The following FKBP1B variants were observed in gnomAD, a reference collection of about 807,000 sequenced individuals.
FKBP1B encodes the protein FKBP prolyl isomerase 1B.
Under a neutral mutation model 13.5 loss-of-function variants are expected in FKBP1B, and 4 were observed. That is an observed-to-expected ratio of 0.30 (90% CI 0.15 to 0.68). The LOEUF (loss-of-function observed/expected upper bound fraction) is 0.68, where lower values mean the gene tolerates loss of function less well. Among genes scored for constraint, FKBP1B ranks in the 30% least tolerant of loss-of-function variants. FKBP1B has a pLI of 0.76. For synonymous variants in FKBP1B, 54 were observed against 53.6 expected (o/e 1.01, Z -0.03); for missense variants, 93 against 136.2 (o/e 0.68, Z 1.58).
At chr2:24,040,636 A>T in the FKBP1B span, among the ~76,000 whole-genome samples, 2 of 152,244 alleles carry the variant, frequency 1.3e-5, no homozygotes, top group Non-Finnish European at 2.9e-5. Flanking sequence ...ATAATCTTTT[A>T]AAATAATGTA....
the FKBP1B span, among the ~76,000 whole-genome samples, chr2:24,040,507 C>G: frequency 6.6e-6 from 1 of 152,198 alleles, no homozygotes; most frequent in Non-Finnish European, 1.5e-5. Context: ...GCTTTTATCC[C>G]TCTATTGAAA....
upstream of FKBP1B, among the ~76,000 whole-genome samples, chr2:24,049,356 A>G (rs191737828): frequency 6.6e-6 from 1 of 152,158 alleles, no homozygotes; most frequent in Non-Finnish European, 1.5e-5. Flanking sequence ...GCGACAGAGC[A>G]AGATCCTCTG....
chr2:24,049,985 G>C, intron 1 of FKBP1B, 99 bp downstream of exon 1: 2 of 998,034 alleles, frequency 2.0e-6, no homozygotes, highest in Non-Finnish European at 2.7e-6. Context: ...GGTGCTGAAG[G>C]GTCGGGGGGC....
the FKBP1B span, chr2:24,039,404 C>T: frequency 2.5e-6 from 4 of 1,614,276 alleles, no homozygotes; most frequent in Admixed American, 1.7e-5. Flanking sequence ...ACTTGATTCC[C>T]ATCGGTCCAG....
At chr2:24,060,956 C>A (rs1437058605) in intron 3 of FKBP1B, 30 bp downstream of exon 3, 1 of 1,545,310 alleles carries the variant, frequency 6.5e-7, no homozygotes, top group Non-Finnish European at 8.9e-7. Context: ...TAAAGGGGAT[C>A]TGGGGAGTTG....
At chr2:24,052,137 A>ATGTC (rs1415469701) in intron 1 of FKBP1B, among the ~76,000 whole-genome samples, 3 of 152,014 alleles carry the variant, frequency 2.0e-5, no homozygotes, top group Non-Finnish European at 4.4e-5. Context: ...CTTCGAAAAT[A>ATGTC]TGTCTCCAAT....
At chr2:24,051,134 G>T (rs1183340635) in intron 1 of FKBP1B, among the ~76,000 whole-genome samples, 1 of 152,126 alleles carries the variant, frequency 6.6e-6, no homozygotes, top group Non-Finnish European at 1.5e-5. Context: ...AGGAGTTCGA[G>T]ACCAGCCTGA....
upstream of FKBP1B, among the ~76,000 whole-genome samples, chr2:24,045,526 G>A (rs950583041): frequency 1.3e-5 from 2 of 151,294 alleles, no homozygotes; most frequent in African/African-American, 2.4e-5. Context: ...GCTTGAACCC[G>A]GCTGGCGGAG....
chr2:24,056,888 G>A (rs911163734), intron 2 of FKBP1B, among the ~76,000 whole-genome samples: 3 of 150,932 alleles, frequency 2.0e-5, no homozygotes. Flanking sequence ...ACAGGGTTTC[G>A]CCATGTTGGC....
chr2:24,036,650 T>C, the FKBP1B span, among the ~76,000 whole-genome samples: 7 of 152,200 alleles, frequency 4.6e-5, no homozygotes, highest in African/African-American at 1.7e-4. Context: ...TGCAGCATCA[T>C]TTGGAGTAGC....
intron 3 of FKBP1B, among the ~76,000 whole-genome samples, chr2:24,062,018 C>T (rs915912517): frequency 4.7e-5 from 7 of 149,472 alleles, no homozygotes; most frequent in East Asian, 1.9e-4. Context: ...TACAGGCGCC[C>T]GCCACCACGG....
rs1476343208 is a variant in FKBP1B at position 24,050,435 on chromosome 2, C to T, written c.37+549C>T. 6.6e-6 allele frequency among the ~76,000 whole-genome samples: 1 copy of T among 152,158 alleles called. No individual in the cohort carries two copies. Among genetic ancestry groups the T allele is most frequent in the African/African-American group, 2.4e-5 (1 of 41,444 alleles). ...GCCCGCTTCCGGATCTCGCTTTATC[C>T]TGCCGCCGCTTTCAGACTCCCTGGC... On this transcript the variant is annotated intron_variant, in intron 1 of 3. Coordinates refer to ENST00000380986, the MANE Select transcript of FKBP1B (RefSeq NM_004116.5). This position sits in a 1 kb window ranked among gnomAD's most constrained non-coding sequence, Gnocchi z 5.8.
At chr2:24,062,021 C>T (rs1664415480) in intron 3 of FKBP1B, among the ~76,000 whole-genome samples, 1 of 151,994 alleles carries the variant, frequency 6.6e-6, no homozygotes. Context: ...AGGCGCCCGC[C>T]ACCACGGCCG....
chr2:24,049,524 T>G, upstream of FKBP1B: 2 of 283,118 alleles, frequency 7.1e-6, no homozygotes, highest in Non-Finnish European at 1.3e-5. Flanking sequence ...CGCGAATGAA[T>G]GGATGGATGG....
At chr2:24,048,414 T>C (rs1411617283), upstream of FKBP1B, among the ~76,000 whole-genome samples, 1 of 142,492 alleles carries the variant, frequency 7.0e-6, no homozygotes, top group Admixed American at 7.5e-5. Context: ...GAGGTTGCAG[T>C]GAGCCGAGAT....
At chr2:24,038,806 C>T in the FKBP1B span, 7 of 1,614,170 alleles carry the variant, frequency 4.3e-6, no homozygotes, top group Non-Finnish European at 5.9e-6. Context: ...TGCATTTAAG[C>T]CACAGATCTT....
At chr2:24,044,602 T>C in the FKBP1B span, among the ~76,000 whole-genome samples, 34 of 152,240 alleles carry the variant, frequency 2.2e-4, no homozygotes, top group Admixed American at 8.5e-4. Flanking sequence ...AATTTTAATA[T>C]TGTCATCTTC....
At chr2:24,035,949 A>G in the FKBP1B span, among the ~76,000 whole-genome samples, 8 of 151,294 alleles carry the variant, frequency 5.3e-5, no homozygotes, top group Non-Finnish European at 8.9e-5. Flanking sequence ...CGTGCCTGTA[A>G]TCCCAGCTAC....
At chr2:24,054,097 C>T (rs911848401) in intron 2 of FKBP1B, 148 bp downstream of exon 2, 4 of 761,104 alleles carry the variant, frequency 5.3e-6, no homozygotes, top group Non-Finnish European at 9.4e-6. Flanking sequence ...TCCTCTACTC[C>T]TCCCAGCCAG....
Sources: gnomAD v4.1 joint callset for allele counts (sites outside exome capture counted in the v4.1 genomes callset) on GRCh38, gnomAD v4.1.1 for gene constraint, Gnocchi (gnomAD v3.1) non-coding constraint, MANE v1.5 for transcripts, NCBI Gene and HGNC (gene_info 2026-07-23, HGNC 2026-07-21) for gene names.